Variants in MMP24 observed in about 807,000 individuals in gnomAD.
The protein encoded by MMP24 is matrix metalloproteinase-24.
A neutral mutation model predicts 62.8 loss-of-function variants in MMP24; 25 were observed. The ratio of observed to expected loss-of-function variants is 0.40; its 90% CI spans 0.29 to 0.56. The LOEUF is 0.56. MMP24 is among the 20% of genes least tolerant of loss of function. MMP24 has a pLI of 0.50. For synonymous variants in MMP24, 319 were observed against 350.5 expected (o/e 0.91, Z 1.00); for missense variants, 634 against 853.6 (o/e 0.74, Z 3.21).
In MMP24 at chr20:35,254,565, G is replaced by A. The variant is rs768993125; in HGVS notation, c.628G>A (p.Glu210Lys). 1 of 1,614,066 alleles carries A rather than the reference G, an allele frequency of 6.2e-7. No homozygotes were observed. The highest frequency in any genetic ancestry group is 8.5e-7 in the Non-Finnish European group (1 of 1,179,912). ...PLTFEEVPYH[E>K]IKSDRKEADI... is the part of the protein sequence containing the mutation. ...GACCTTTGAAGAGGTGCCATACCATGAGATCAAAAGTGACCGGAAGGAGGC... is the reference window on the plus strand; with the variant it reads ...GACCTTTGAAGAGGTGCCATACCATAAGATCAAAAGTGACCGGAAGGAGGC... The change falls in exon 4 of 9, where the codon GAG (glutamate) becomes AAG (lysine). Residue 210 changes from glutamate (E) to lysine (K), a missense_variant. Glu to Lys is a moderately conservative substitution (Grantham distance 56). Coordinates refer to ENST00000246186, the MANE Select transcript of MMP24 (RefSeq NM_006690.4).
chr20:35,267,278 G>T lies in MMP24; in HGVS notation c.1053G>T (p.Ser351=). ...TLPVRRIHSP[S]ERKHERQPRP... is the part of the protein sequence containing the mutation. ...CCGTCCGCAGGATCCACTCACCATCGGAGAGGAAACACGAGCGCCAGCCCA... is the reference window on the plus strand; with the variant it reads ...CCGTCCGCAGGATCCACTCACCATCTGAGAGGAAACACGAGCGCCAGCCCA... Residue 351 remains serine, a synonymous_variant, in exon 6 of 9, where the codon TCG becomes TCT. Coordinates refer to ENST00000246186, the MANE Select transcript of MMP24 (RefSeq NM_006690.4). 6.2e-7 allele frequency: 1 copy of T among 1,605,572 alleles called. No individual in the cohort carries two copies.
chr20:35,263,727 G>A, intron 4 of MMP24, 64 bp from the exon 5 acceptor site: 1 of 1,362,166 alleles, frequency 7.3e-7, no homozygotes. Flanking sequence ...TGAGGTAATG[G>A]GTTGGCTGAC....
intron 1 of MMP24, among the ~76,000 whole-genome samples, chr20:35,245,977 T>C (rs2146210473): frequency 6.6e-6 from 1 of 152,278 alleles, no homozygotes; most frequent in South Asian, 2.1e-4. Context: ...TTAAATAAGA[T>C]CATGCATTGT....
intron 4 of MMP24, among the ~76,000 whole-genome samples, chr20:35,259,246 G>C (rs974001030): frequency 8.5e-5 from 13 of 152,186 alleles, no homozygotes; most frequent in African/African-American, 2.9e-4. Flanking sequence ...GAAAGTGGCA[G>C]AGCCAGGTGT....
Position 35,254,927 on chromosome 20 carries a change from G to T in MMP24, c.817+173G>T, listed in dbSNP as rs533748732. 1.6e-4 allele frequency among the ~76,000 whole-genome samples: 24 copies of T among 152,318 alleles called. No homozygotes were observed. The South Asian group carries it at 4.8e-3, about 30-fold the overall frequency. ...AATATTCAACGTTCAATCCACCAGG[G>T]CCAGGGCCATGGAGATGAGTCAGAT... On this transcript the variant is annotated intron_variant, in intron 4 of 8. Transcript: ENST00000246186.
At chr20:35,252,124 C>T (rs973843616) in intron 3 of MMP24, 103 bp downstream of exon 3, 3 of 959,058 alleles carry the variant, frequency 3.1e-6, no homozygotes, top group Non-Finnish European at 4.9e-6. Flanking sequence ...GCCTGGGGAT[C>T]AGGCTTACAA....
At chr20:35,242,888 A>G (rs182136986) in intron 1 of MMP24, among the ~76,000 whole-genome samples, 1 of 152,114 alleles carries the variant, frequency 6.6e-6, no homozygotes, top group East Asian at 1.9e-4. Flanking sequence ...AAAAAGCAAG[A>G]GTCAAATGGC....
At chr20:35,272,316 G>T (rs1424465530) in intron 8 of MMP24, among the ~76,000 whole-genome samples, 3 of 152,182 alleles carry the variant, frequency 2.0e-5, no homozygotes, top group Non-Finnish European at 4.4e-5. Flanking sequence ...GCTCACTGCA[G>T]CCTCAACCTC....
intron 4 of MMP24, among the ~76,000 whole-genome samples, chr20:35,256,967 G>A (rs1244978726): frequency 2.0e-5 from 3 of 152,124 alleles, no homozygotes; most frequent in African/African-American, 7.2e-5. Context: ...CCTTCCCACA[G>A]AAATCCTGAC....
chr20:35,255,995 A>G (rs1224955256), intron 4 of MMP24: 1 of 152,232 alleles, frequency 6.6e-6, no homozygotes, highest in Non-Finnish European at 1.5e-5. Flanking sequence ...TAGCAGAGGC[A>G]CAAAGAAATA....
chr20:35,274,949 A>T lies in MMP24; in HGVS notation c.*340A>T, dbSNP rs1037699003. ...TCCTGTGGTGTCCATGAGGTACCAC[A>T]GCTCCACTCCTGGCTGGAACCCAGC... On this transcript the variant is annotated 3_prime_UTR_variant, in exon 9 of 9. Coordinates refer to ENST00000246186, the MANE Select transcript of MMP24 (RefSeq NM_006690.4). The surrounding 1 kb of genome is among the most constrained non-coding windows in gnomAD (Gnocchi z 5.1). The T allele has an allele frequency of 6.8e-6, 2 of 293,578 alleles. No homozygotes were observed. Among genetic ancestry groups the T allele is most frequent in the Admixed American group, 9.6e-5 (2 of 20,854 alleles). The allele number at this position is 293,578 out of a possible 1,614,324, so 18.2% of individuals were successfully genotyped here.
At chr20:35,231,289 G>A (rs1365774951) in intron 1 of MMP24, among the ~76,000 whole-genome samples, 4 of 152,220 alleles carry the variant, frequency 2.6e-5, no homozygotes, top group Admixed American at 1.3e-4. Flanking sequence ...GGTTTGTGCT[G>A]AGGAGATGGA....
chr20:35,261,075 C>T (rs777615621), intron 4 of MMP24, among the ~76,000 whole-genome samples: 1 of 152,162 alleles, frequency 6.6e-6, no homozygotes, highest in African/African-American at 2.4e-5. Context: ...TCAAGGCAAG[C>T]AAGGGTCTGA....
intron 4 of MMP24, among the ~76,000 whole-genome samples, chr20:35,255,348 A>T (rs911718600): frequency 6.6e-6 from 1 of 151,966 alleles, no homozygotes; most frequent in Non-Finnish European, 1.5e-5. Context: ...AAAAAAAGTT[A>T]AAAGGCATTA....
chr20:35,229,689 C>G (rs1211641704), intron 1 of MMP24, among the ~76,000 whole-genome samples: 1 of 152,180 alleles, frequency 6.6e-6, no homozygotes, highest in African/African-American at 2.4e-5. Context: ...CTCCACCCTA[C>G]CCCTCCATTA....
At position 35,269,728 on chromosome 20, in the gene MMP24, C is replaced by T. The variant is rs771202719; in HGVS notation, c.1195-32C>T. 6 of 1,558,292 alleles carry T rather than the reference C, an allele frequency of 3.9e-6. No individual in the cohort carries two copies. The South Asian group carries it at 5.9e-5, about 15-fold the overall frequency. ...CTGGGTTCGGAGGCAGGGCCTGACA[C>T]ACCTCTCTCCCCCTCTCCCGCTTCC... is the stretch of plus-strand genomic sequence containing the variant. On this transcript the variant is annotated intron_variant, in intron 6 of 8. Transcript: ENST00000246186. The surrounding 1 kb of genome is among the most constrained non-coding windows in gnomAD (Gnocchi z 4.6).
In MMP24 at chr20:35,276,209, C is replaced by G. The variant is rs1327370076; in HGVS notation, c.*1600C>G. On this transcript the variant is annotated 3_prime_UTR_variant, in exon 9 of 9. Coordinates refer to ENST00000246186, the MANE Select transcript of MMP24 (RefSeq NM_006690.4). The stretch of plus-strand genomic sequence containing the variant: ...CCCTGGGAGCTGTCTCAAGCAAAAT[C>G]TCTTGTCCCAGAGGTGCCCATGTGG... 2 of 398,784 alleles carry G rather than the reference C, an allele frequency of 5.0e-6. No individual in the cohort carries two copies. The highest frequency in any genetic ancestry group is 4.1e-5 in the African/African-American group (2 of 48,636). 24.7% of individuals were successfully genotyped at this position (398,784 alleles called of 1,614,324 possible).
intron 4 of MMP24, among the ~76,000 whole-genome samples, chr20:35,256,815 A>C (rs1467907378): frequency 6.6e-6 from 1 of 151,572 alleles, no homozygotes; most frequent in African/African-American, 2.4e-5. Context: ...GGAATCTGCA[A>C]GTGGTCTAAT....
intron 4 of MMP24, among the ~76,000 whole-genome samples, chr20:35,262,552 G>C (rs939063423): frequency 6.6e-6 from 1 of 150,966 alleles, no homozygotes; most frequent in Non-Finnish European, 1.5e-5. Context: ...GCATACAACC[G>C]GGTTTTATAC....
Sources: allele counts gnomAD v4.1 joint callset (sites outside exome capture counted in the v4.1 genomes callset), GRCh38; gene constraint gnomAD v4.1.1; non-coding constraint Gnocchi (gnomAD v3.1); transcripts MANE v1.5; gene names NCBI Gene and HGNC (gene_info 2026-07-23, HGNC 2026-07-21).